Variants in MAGI2 observed in about 807,000 individuals in gnomAD.
The protein encoded by MAGI2 is membrane associated guanylate kinase, WW and PDZ domain containing 2.
In MAGI2, 35 loss-of-function variants were observed where a neutral mutation model predicts 133.3. The ratio of observed to expected loss-of-function variants is 0.26; its 90% CI spans 0.20 to 0.35. The LOEUF (loss-of-function observed/expected upper bound fraction) is 0.35, where lower values mean the gene tolerates loss of function less well. Ranked by LOEUF, MAGI2 falls within the 10% of genes least tolerant of loss-of-function variation. The pLI, the probability that MAGI2 is intolerant of heterozygous loss-of-function variation, is 1.00. For synonymous variants in MAGI2, 729 were observed against 710.6 expected (o/e 1.03, Z -0.41); for missense variants, 1,636 against 1,863.4 (o/e 0.88, Z 2.25).
At chr7:78,790,085 T>C (rs1246991256) in intron 2 of MAGI2, among the ~76,000 whole-genome samples, 1 of 152,156 alleles carries the variant, frequency 6.6e-6, no homozygotes, top group African/African-American at 2.4e-5. Context: ...GGATAAATTA[T>C]ATATTTTTCA....
At chr7:78,914,566 G>T (rs532475638) in intron 2 of MAGI2, among the ~76,000 whole-genome samples, 20 of 152,088 alleles carry the variant, frequency 1.3e-4, no homozygotes, top group Admixed American at 2.6e-4. Context: ...GCATTTCACA[G>T]AAGGAACACA....
chr7:78,057,908 G>C (rs11766879), intron 21 of MAGI2, among the ~76,000 whole-genome samples: 4 of 143,074 alleles, frequency 2.8e-5, no homozygotes, highest in Admixed American at 1.4e-4. Flanking sequence ...AATGGAAAAG[G>C]CCAACTGAAC....
chr7:78,650,071 G>C (rs1811382214), intron 2 of MAGI2, among the ~76,000 whole-genome samples: 1 of 152,088 alleles, frequency 6.6e-6, no homozygotes, highest in African/African-American at 2.4e-5. Flanking sequence ...AGAGTAGTAA[G>C]GTGTTAGTCT....
chr7:78,499,683 T>C (rs964630606), intron 5 of MAGI2, among the ~76,000 whole-genome samples: 25 of 152,222 alleles, frequency 1.6e-4, no homozygotes, highest in African/African-American at 5.5e-4. Context: ...ATTGGAAACA[T>C]TGTAAGAAAA....
At chr7:78,136,257 C>T (rs1822118198) in intron 16 of MAGI2, among the ~76,000 whole-genome samples, 1 of 152,040 alleles carries the variant, frequency 6.6e-6, no homozygotes, top group African/African-American at 2.4e-5. Context: ...GTAGCTGGGA[C>T]TACAGGCGCC....
chr7:78,310,306 G>A (rs1798594335), intron 9 of MAGI2, among the ~76,000 whole-genome samples: 1 of 152,010 alleles, frequency 6.6e-6, no homozygotes, highest in South Asian at 2.1e-4. Flanking sequence ...ATGGTGGCAC[G>A]CACCTGTAGT....
chr7:79,331,946 T>TA (rs56251920), intron 1 of MAGI2, among the ~76,000 whole-genome samples: 21,294 of 146,160 alleles, frequency 0.15, 1,580 homozygotes, highest in South Asian at 0.26. Context: ...TAAAGTATAA[T>TA]AAAAAAAAAA....
At chr7:79,237,809 C>A (rs552364372) in intron 1 of MAGI2, among the ~76,000 whole-genome samples, 2 of 152,244 alleles carry the variant, frequency 1.3e-5, no homozygotes, top group Non-Finnish European at 1.5e-5. Context: ...TGCTGTTGGG[C>A]TTTTGGCACT....
chr7:78,550,755 A>G (rs1219627424), intron 3 of MAGI2, among the ~76,000 whole-genome samples: 1 of 127,724 alleles, frequency 7.8e-6, no homozygotes, highest in Non-Finnish European at 1.9e-5. Flanking sequence ...TCCTCTGAAC[A>G]GTTTTTTTTT....
intron 9 of MAGI2, among the ~76,000 whole-genome samples, chr7:78,342,716 A>C (rs188448175): frequency 2.0e-5 from 3 of 152,244 alleles, no homozygotes; most frequent in African/African-American, 7.2e-5. Flanking sequence ...AAAACAGAAA[A>C]CCAAACACCA....
At chr7:79,013,028 G>A (rs1345875172) in intron 1 of MAGI2, among the ~76,000 whole-genome samples, 1 of 152,152 alleles carries the variant, frequency 6.6e-6, no homozygotes, top group East Asian at 1.9e-4. Context: ...TCACCATGGG[G>A]GTTAAGATTT....
Position 78,135,118 on chromosome 7 carries a change from C to T in MAGI2, c.2934G>A (p.Val978=), listed in dbSNP as rs747291613. The part of the protein sequence containing the change: ...KLKVGDRILA[V]NGQSIINMPH... ...GCATGTTGATGATAGACTGGCCATT[C>T]ACTGCTAGGATCCGGTCTCCCACTT... is the stretch of plus-strand genomic sequence containing the variant. The change falls in exon 17 of 22, where the codon GTG becomes GTA. Residue 978 remains valine (V), a synonymous_variant. Coordinates refer to ENST00000354212, the MANE Select transcript of MAGI2 (RefSeq NM_012301.4). 3.7e-6 allele frequency: 6 copies of T among 1,614,134 alleles called. No individual in the cohort carries two copies. The Admixed American group carries it at 8.3e-5, about 22-fold the overall frequency.
rs1215770004 is a variant in MAGI2 at position 78,194,890 on chromosome 7, G to A, written c.2253C>T (p.Ala751=). 1 of 1,602,038 alleles carries A rather than the reference G, an allele frequency of 6.2e-7. No homozygotes were observed. Among genetic ancestry groups the A allele is most frequent in the Non-Finnish European group, 8.5e-7 (1 of 1,175,724 alleles). The change falls in exon 12 of 22, where the codon GCC becomes GCT. Residue 751 remains alanine (A), a synonymous_variant. Coordinates refer to ENST00000354212, the MANE Select transcript of MAGI2 (RefSeq NM_012301.4). ...TTCACTTACGCCTACTTTCATAAATGGCCCTAGATTTCTCGTAGAGCTCAT... is the reference window on the plus strand; with the variant it reads ...TTCACTTACGCCTACTTTCATAAATAGCCCTAGATTTCTCGTAGAGCTCAT... ...DPYELYEKSR[A]IYESRQQVPP...
At chr7:79,260,095 C>T (rs987471029) in intron 1 of MAGI2, among the ~76,000 whole-genome samples, 3 of 152,172 alleles carry the variant, frequency 2.0e-5, no homozygotes, top group Admixed American at 6.5e-5. Flanking sequence ...TGGCTCATGC[C>T]TATAATCCCA....
At chr7:79,277,522 G>C (rs929737903) in intron 1 of MAGI2, among the ~76,000 whole-genome samples, 2 of 151,906 alleles carry the variant, frequency 1.3e-5, no homozygotes, top group African/African-American at 2.4e-5. Context: ...CAACATATGT[G>C]CTGATCATCT....
intron 14 of MAGI2, among the ~76,000 whole-genome samples, chr7:78,168,333 A>G (rs1305007340): frequency 6.6e-6 from 1 of 152,090 alleles, no homozygotes; most frequent in Non-Finnish European, 1.5e-5. Context: ...CTTGCCCTCA[A>G]ATCTGAGCAT....
chr7:79,086,514 C>T (rs1816507637), intron 1 of MAGI2, among the ~76,000 whole-genome samples: 1 of 151,852 alleles, frequency 6.6e-6, no homozygotes, highest in South Asian at 2.1e-4. Flanking sequence ...GATAAATACT[C>T]CTCAAATTGC....
chr7:78,667,507 A>G (rs1813750603), intron 2 of MAGI2, among the ~76,000 whole-genome samples: 1 of 151,714 alleles, frequency 6.6e-6, no homozygotes, highest in Non-Finnish European at 1.5e-5. Flanking sequence ...GTTATTTAGC[A>G]TTAGGTATAT....
chr7:78,830,047 A>G (rs549717982), intron 2 of MAGI2, among the ~76,000 whole-genome samples: 1 of 152,080 alleles, frequency 6.6e-6, no homozygotes, highest in Non-Finnish European at 1.5e-5. Context: ...TTGTTTCTTC[A>G]TAATTTTCTA....
Sources: gnomAD v4.1 joint callset for allele counts (sites outside exome capture counted in the v4.1 genomes callset) on GRCh38, gnomAD v4.1.1 for gene constraint, MANE v1.5 for transcripts, NCBI Gene and HGNC (gene_info 2026-07-23, HGNC 2026-07-21) for gene names.